LOC400499: variants seen among roughly 807,000 people sequenced by gnomAD.
chr16:11,457,252 G>A, the LOC400499 span: 45 of 540,022 alleles, frequency 8.3e-5, no homozygotes, highest in African/African-American at 1.6e-4. Flanking sequence ...TGGTGGGAAT[G>A]TGAAATAGTG....
At chr16:11,501,957 C>G in the LOC400499 span, 1 of 394,964 alleles carries the variant, frequency 2.5e-6, no homozygotes, top group African/African-American at 2.1e-5. Flanking sequence ...GTCAAGGGGA[C>G]GGGATGACGC....
the LOC400499 span, among the ~76,000 whole-genome samples, chr16:11,389,373 G>T: frequency 1.3e-5 from 2 of 152,132 alleles, no homozygotes; most frequent in East Asian, 1.9e-4. Flanking sequence ...AAGGGTTTTT[G>T]TGTGTTAAAA....
At chr16:11,454,853 T>C in the LOC400499 span, among the ~76,000 whole-genome samples, 2 of 152,134 alleles carry the variant, frequency 1.3e-5, no homozygotes, top group African/African-American at 2.4e-5. Context: ...GAAAAAGGGA[T>C]TGTGACCCAG....
At chr16:11,495,221 A>AG in the LOC400499 span, among the ~76,000 whole-genome samples, 1 of 151,408 alleles carries the variant, frequency 6.6e-6, no homozygotes, top group Non-Finnish European at 1.5e-5. Context: ...AAAAAAAAAA[A>AG]AAAAAAGAAA....
the LOC400499 span, chr16:11,393,604 G>C: frequency 8.1e-7 from 1 of 1,228,160 alleles, no homozygotes. Context: ...TGGCCCACCT[G>C]TCCCTGGTCT....
At chr16:11,388,917 T>C in the LOC400499 span, among the ~76,000 whole-genome samples, 16 of 152,088 alleles carry the variant, frequency 1.1e-4, no homozygotes, top group Admixed American at 3.3e-4. Flanking sequence ...TGAAACCCCG[T>C]CTCTACTAAA....
the LOC400499 span, among the ~76,000 whole-genome samples, chr16:11,465,097 C>G: frequency 6.6e-6 from 1 of 152,226 alleles, no homozygotes; most frequent in Admixed American, 6.5e-5. Context: ...GAGGCAGAAT[C>G]AGGAGATCCA....
the LOC400499 span, chr16:11,387,162 G>A: frequency 1.6e-6 from 2 of 1,232,114 alleles, no homozygotes; most frequent in South Asian, 4.1e-5. Context: ...TACTCAGCCA[G>A]CACGTTGGCC....
the LOC400499 span, among the ~76,000 whole-genome samples, chr16:11,394,608 A>G: frequency 2.0e-5 from 3 of 152,216 alleles, no homozygotes; most frequent in African/African-American, 7.2e-5. Context: ...GTTATTCGGA[A>G]ATAGGTTTTT....
chr16:11,478,420 G>T, the LOC400499 span: 3 of 397,806 alleles, frequency 7.5e-6, no homozygotes, highest in African/African-American at 4.1e-5. Flanking sequence ...GGAGGTAAAC[G>T]GAAGAGCTGG....
chr16:11,388,848 C>G, the LOC400499 span, among the ~76,000 whole-genome samples: 1 of 152,190 alleles, frequency 6.6e-6, no homozygotes, highest in Non-Finnish European at 1.5e-5. Context: ...ATAATCCCAG[C>G]ACTTTGAGAG....
At chr16:11,507,050 C>T in the LOC400499 span, among the ~76,000 whole-genome samples, 19 of 152,334 alleles carry the variant, frequency 1.2e-4, no homozygotes, top group Non-Finnish European at 2.4e-4. Context: ...GGGCTAGCAC[C>T]GCCAGCGTCC....
At chr16:11,394,304 G>A in the LOC400499 span, among the ~76,000 whole-genome samples, 1 of 152,198 alleles carries the variant, frequency 6.6e-6, no homozygotes, top group Non-Finnish European at 1.5e-5. Context: ...GTGGGAAAGA[G>A]GCTCAGAGGC....
At chr16:11,524,738 A>C in the LOC400499 span, among the ~76,000 whole-genome samples, 1 of 149,602 alleles carries the variant, frequency 6.7e-6, no homozygotes, top group Non-Finnish European at 1.5e-5. Flanking sequence ...GAAGGCCAGC[A>C]CCCCTCCCTC....
chr16:11,447,849 C>T, the LOC400499 span: 1 of 1,443,286 alleles, frequency 6.9e-7, no homozygotes, highest in African/African-American at 1.4e-5. Flanking sequence ...GGTAGCTCTG[C>T]CCATCCTGTT....
the LOC400499 span, among the ~76,000 whole-genome samples, chr16:11,406,077 G>C: frequency 1.9e-3 from 292 of 151,540 alleles, 3 homozygotes; most frequent in Middle Eastern, 0.01. Flanking sequence ...TAGGTATATT[G>C]TGTAATGGTG....
the LOC400499 span, among the ~76,000 whole-genome samples, chr16:11,454,708 G>A: frequency 1.4e-4 from 21 of 152,320 alleles, no homozygotes; most frequent in African/African-American, 4.8e-4. Flanking sequence ...GTTGCTTTAA[G>A]CTGCCCAATT....
At chr16:11,431,675 G>C in the LOC400499 span, among the ~76,000 whole-genome samples, 49,800 of 151,990 alleles carry the variant, frequency 0.33, 8,641 homozygotes, top group Admixed American at 0.48. Flanking sequence ...CAAAGTGCTG[G>C]GATTACAGGC....
the LOC400499 span, among the ~76,000 whole-genome samples, chr16:11,455,416 T>G: frequency 5.3e-5 from 8 of 152,228 alleles, no homozygotes; most frequent in African/African-American, 1.9e-4. Flanking sequence ...TAAAAGAATT[T>G]AGCGTGCTTA....
Sources: gnomAD v4.1 joint callset for allele counts (sites outside exome capture counted in the v4.1 genomes callset) on GRCh38, gnomAD v4.1.1 for gene constraint, MANE v1.5 for transcripts.